Variants in ROBO2 observed in about 807,000 individuals in gnomAD.
ROBO2 encodes roundabout guidance receptor 2.
Under a neutral mutation model 160.8 loss-of-function variants are expected in ROBO2, and 53 were observed. The ratio of observed to expected loss-of-function variants is 0.33; its 90% CI spans 0.26 to 0.41. The LOEUF is 0.41. Ranked by LOEUF, ROBO2 falls within the 10% of genes least tolerant of loss-of-function variation. The probability of loss-of-function intolerance (pLI) is 1.00; values close to 1 mark genes in which losing one functional copy is unlikely to be tolerated. For synonymous variants in ROBO2, 664 were observed against 611.7 expected (o/e 1.09, Z -1.26); for missense variants, 1,577 against 1,722.4 (o/e 0.92, Z 1.49).
At chr3:76,987,995 T>C (rs1468740536) in intron 2 of ROBO2, among the ~76,000 whole-genome samples, 1 of 152,142 alleles carries the variant, frequency 6.6e-6, no homozygotes, top group Non-Finnish European at 1.5e-5. Flanking sequence ...TTTTTGAAAA[T>C]TAGACATTTC....
At chr3:76,049,155 G>A (rs2067558454) in intron 2 of ROBO2, among the ~76,000 whole-genome samples, 2 of 152,072 alleles carry the variant, frequency 1.3e-5, no homozygotes, top group South Asian at 4.1e-4. Flanking sequence ...GCTAGGTGGT[G>A]TGTGTAAGGA....
chr3:76,129,734 G>C (rs778281505), intron 2 of ROBO2, among the ~76,000 whole-genome samples: 2 of 152,098 alleles, frequency 1.3e-5, no homozygotes, highest in Non-Finnish European at 2.9e-5. Flanking sequence ...TCTAGAGTCA[G>C]TAATCTTGAT....
intron 2 of ROBO2, among the ~76,000 whole-genome samples, chr3:76,115,110 A>C (rs532156785): frequency 6.6e-6 from 1 of 152,156 alleles, no homozygotes; most frequent in Non-Finnish European, 1.5e-5. Flanking sequence ...TCAACTTCGC[A>C]TAAATCACTG....
At chr3:76,143,884 A>G (rs2071783752) in intron 2 of ROBO2, among the ~76,000 whole-genome samples, 1 of 152,014 alleles carries the variant, frequency 6.6e-6, no homozygotes, top group Non-Finnish European at 1.5e-5. Context: ...GTGTGGCGTT[A>G]GTTCCACTGT....
intron 2 of ROBO2, among the ~76,000 whole-genome samples, chr3:76,805,748 T>A (rs1289218131): frequency 6.6e-6 from 1 of 151,572 alleles, no homozygotes; most frequent in Non-Finnish European, 1.5e-5. Flanking sequence ...ATAAGCAACC[T>A]TCACATCTTA....
chr3:76,937,842 C>G (rs989717465), intron 2 of ROBO2, among the ~76,000 whole-genome samples: 1 of 152,094 alleles, frequency 6.6e-6, no homozygotes, highest in East Asian at 1.9e-4. Flanking sequence ...AGCTGGATGG[C>G]CATCATTGTA....
intron 2 of ROBO2, among the ~76,000 whole-genome samples, chr3:76,523,305 C>A (rs1265916718): frequency 6.6e-6 from 1 of 151,962 alleles, no homozygotes; most frequent in Middle Eastern, 3.2e-3. Flanking sequence ...AGAATAAAGT[C>A]CAGGCTTTTA....
chr3:77,437,304 C>G (rs11923497), intron 2 of ROBO2, among the ~76,000 whole-genome samples: 2,431 of 151,996 alleles, frequency 0.016, 68 homozygotes, highest in African/African-American at 0.055. Context: ...AGTTCTTACA[C>G]TATTTTAAAT....
intron 2 of ROBO2, among the ~76,000 whole-genome samples, chr3:77,161,799 C>T (rs1315088725): frequency 6.6e-6 from 1 of 151,882 alleles, no homozygotes; most frequent in Non-Finnish European, 1.5e-5. Flanking sequence ...TTTCTCTCTC[C>T]TTCATCTTTC....
rs2060288722 is a variant in ROBO2, at chr3:76,984,882, A to G, written c.110-113132A>G. 3.3e-5 allele frequency among the ~76,000 whole-genome samples: 5 copies of G among 152,268 alleles called. No individual in the cohort carries two copies. In the South Asian group the frequency reaches 1.0e-3, roughly 32 times the overall value. On this transcript the variant is annotated intron_variant, in intron 2 of 26. Coordinates refer to the ROBO2 transcript ENST00000487694. ...CTTTTATTATTAATTTTTCAATGAT[A>G]CACAAAAATATATAGCATATATAGG...
At chr3:77,220,393 T>C (rs537812839) in intron 2 of ROBO2, among the ~76,000 whole-genome samples, 1 of 152,286 alleles carries the variant, frequency 6.6e-6, no homozygotes, top group South Asian at 2.1e-4. Flanking sequence ...AATGAAAATA[T>C]AGACATACTA....
intron 2 of ROBO2, among the ~76,000 whole-genome samples, chr3:76,526,479 G>A (rs1577902019): frequency 6.6e-6 from 1 of 151,970 alleles, no homozygotes; most frequent in South Asian, 2.1e-4. Context: ...ATATGATTTT[G>A]TTGTTTTGTT....
chr3:77,023,935 T>C (rs886318407), intron 2 of ROBO2, among the ~76,000 whole-genome samples: 9 of 152,220 alleles, frequency 5.9e-5, no homozygotes, highest in African/African-American at 2.2e-4. Flanking sequence ...ATTCAGAACA[T>C]ATACAGTATG....
At chr3:77,185,417 G>T in intron 2 of ROBO2, among the ~76,000 whole-genome samples, 1 of 151,928 alleles carries the variant, frequency 6.6e-6, no homozygotes, top group Non-Finnish European at 1.5e-5. Context: ...GAAGGCAGTA[G>T]TCAGACAAAT....
chr3:77,340,371 G>T (rs531221226), intron 2 of ROBO2, among the ~76,000 whole-genome samples: 1 of 151,978 alleles, frequency 6.6e-6, no homozygotes. Flanking sequence ...TCCTAACATG[G>T]ATTTGAAAAT....
chr3:76,299,107 G>A (rs1709233197), intron 2 of ROBO2, among the ~76,000 whole-genome samples: 1 of 152,192 alleles, frequency 6.6e-6, no homozygotes, highest in Non-Finnish European at 1.5e-5. Flanking sequence ...ACAAATTCCT[G>A]TTTGCAAGGA....
chr3:76,561,795 A>C (rs116058700), intron 2 of ROBO2, among the ~76,000 whole-genome samples: 272 of 152,290 alleles, frequency 1.8e-3, no homozygotes, highest in African/African-American at 6.5e-3. Flanking sequence ...TTTATCCAAG[A>C]AAGGCACTTG....
rs375105840 is a variant in ROBO2 at position 76,772,468 on chromosome 3, G to C, written c.110-325546G>C. Among the ~76,000 whole-genome samples, 4 of 145,490 alleles carry C rather than the reference G, an allele frequency of 2.7e-5. No homozygotes were observed. The East Asian group carries it at 6.1e-4, about 22-fold the overall frequency. On this transcript the variant is annotated intron_variant, in intron 2 of 26. Transcript: ENST00000487694. The stretch of plus-strand genomic sequence containing the variant: ...ACACCTACTAGGTAAAGTTTTCCAT[G>C]ATTATTGCTCTTCTCTCCCCACCCC...
At chr3:76,854,061 TCTCTCTTTCTCTGTCTGC>T (rs1483909317) in intron 2 of ROBO2, among the ~76,000 whole-genome samples, 10 of 86,284 alleles carry the variant, frequency 1.2e-4, no homozygotes, top group Non-Finnish European at 2.0e-4. Flanking sequence ...TCTCTCTCTC[TCTCTCTTTCTCTGTCTGC>T]CTCTCTCTCT....
Sources: gnomAD v4.1 joint callset for allele counts (sites outside exome capture counted in the v4.1 genomes callset) on GRCh38, gnomAD v4.1.1 for gene constraint, MANE v1.5 for transcripts, NCBI Gene and HGNC (gene_info 2026-07-23, HGNC 2026-07-21) for gene names.